Variants in PTPRS observed in about 807,000 individuals in gnomAD.
PTPRS encodes protein tyrosine phosphatase receptor type S.
Under a neutral mutation model 215.3 loss-of-function variants are expected in PTPRS, and 63 were observed. That is an observed-to-expected ratio of 0.29 (90% CI 0.24 to 0.36). The LOEUF is 0.36. Among genes scored for constraint, PTPRS ranks in the 10% least tolerant of loss-of-function variants. The pLI is 1.00. For synonymous variants in PTPRS, 1,404 were observed against 1,191.4 expected (o/e 1.18, Z -3.68); for missense variants, 2,258 against 2,825.8 (o/e 0.80, Z 4.56).
In PTPRS at chr19:5,245,995, T is replaced by G. The variant is rs778517480; in HGVS notation, c.769A>C (p.Met257Leu). Residue 257 changes from methionine (M) to leucine (L), a missense_variant, in exon 10 of 38, where the codon ATG (methionine) becomes CTG (leucine). By Grantham distance (15) the Met-to-Leu change is conservative. This residue lies in a region of PTPRS where 508 missense variants were observed against 799.4 expected (regional missense o/e 0.64). Coordinates refer to ENST00000262963, the MANE Select transcript of PTPRS (RefSeq NM_002850.4). Reference protein sequence around the residue: ...FSILPMSHEIMPGGNVNITCV... With the variant: ...FSILPMSHEILPGGNVNITCV... ...GTGATGTTCACGTTGCCCCCTGGCA[T>G]GATCTCGTGGCTCATGGGCAGGATG... 1.7e-5 allele frequency: 27 copies of G among 1,589,356 alleles called. No homozygotes were observed. In the South Asian group the frequency reaches 2.9e-4, roughly 17 times the overall value.
At chr19:5,260,899 G>C in intron 6 of PTPRS, 77 bp from the exon 7 acceptor site, 3 of 1,538,438 alleles carry the variant, frequency 2.0e-6, no homozygotes, top group Non-Finnish European at 1.8e-6. Flanking sequence ...AGGGAAGCTG[G>C]GCTGGGCCGT....
chr19:5,231,642 G>A lies in PTPRS; in HGVS notation c.1850-27C>T, dbSNP rs776983226. On this transcript the variant is annotated intron_variant, in intron 13 of 37. Coordinates refer to ENST00000262963, the MANE Select transcript of PTPRS (RefSeq NM_002850.4). The stretch of plus-strand genomic sequence containing the variant: ...TATTGGAGGGGGGGAGAACGTGGGG[G>A]GGTGGGGAAGGGAGGTGGGATGGGT... 2.5e-3 allele frequency: 250 copies of A among 100,656 alleles called. 3 individuals carry two copies. The East Asian group carries it at 0.063, about 25-fold the overall frequency. The allele number at this position is 100,656 out of a possible 1,614,324, so 6.2% of individuals were successfully genotyped here. A position where few individuals can be genotyped will look rare whatever the true frequency, so the allele number is the denominator to read the frequency against.
rs768972256 is a variant in PTPRS at position 5,211,958 on chromosome 19, C to T, written c.5055+7G>A. On this transcript the variant is annotated splice_region_variant and intron_variant, in intron 32 of 37. Transcript: ENST00000262963. ...CCCGCCCACAGCAGCCTCCACCCCG[C>T]TGGCACCTTGAACTCGAGTTCCATG... 1.9e-6 allele frequency: 3 copies of T among 1,588,742 alleles called. No individual in the cohort carries two copies. Among genetic ancestry groups the T allele is most frequent in the Non-Finnish European group, 2.6e-6 (3 of 1,168,452 alleles).
At chr19:5,323,986 T>G (rs543852595) in intron 1 of PTPRS, among the ~76,000 whole-genome samples, 7 of 151,926 alleles carry the variant, frequency 4.6e-5, no homozygotes. Flanking sequence ...TACCAGCACT[T>G]TGGGAGGCCA....
intron 28 of PTPRS, 118 bp downstream of exon 28, chr19:5,215,171 G>A: frequency 2.2e-6 from 3 of 1,354,546 alleles, no homozygotes; most frequent in Non-Finnish European, 3.1e-6. Context: ...GCCTCCAGTT[G>A]GAGCTGGACC....
At chr19:5,215,237 A>G (rs2041314078) in intron 28 of PTPRS, 52 bp downstream of exon 28, 1 of 1,605,340 alleles carries the variant, frequency 6.2e-7, no homozygotes, top group African/African-American at 1.3e-5. Flanking sequence ...GGGATCTAGC[A>G]CTTTCCATGC....
At chr19:5,316,967 G>A (rs1192786355) in intron 1 of PTPRS, among the ~76,000 whole-genome samples, 2 of 152,166 alleles carry the variant, frequency 1.3e-5, no homozygotes, top group Non-Finnish European at 2.9e-5. Flanking sequence ...TCCTAGCCAC[G>A]CTGAGACGTC....
chr19:5,286,446 T>G (rs1456790464), intron 1 of PTPRS: 2 of 403,202 alleles, frequency 5.0e-6, no homozygotes, highest in African/African-American at 4.0e-5. Context: ...AAATCATATG[T>G]TGAAACCTAG....
In PTPRS at chr19:5,206,630, G is replaced by A. The variant is rs556606029; in HGVS notation, c.*144C>T. 3.6e-4 allele frequency: 252 copies of A among 691,922 alleles called. 2 individuals carry two copies. In the African/African-American group the frequency reaches 3.7e-3, roughly 10 times the overall value. 42.9% of individuals were successfully genotyped at this position (691,922 alleles called of 1,614,324 possible). A position where few individuals can be genotyped will look rare whatever the true frequency, so the allele number is the denominator to read the frequency against. ...GTGGGGGGGCTCGAGGGGCTGCGTC[G>A]TCCTCGGAAATGGTGCAGAAACACA... On this transcript the variant is annotated 3_prime_UTR_variant, in exon 38 of 38. Transcript: ENST00000262963.
At position 5,266,866 on chromosome 19, in the gene PTPRS, C is replaced by G. The variant is rs188424569; in HGVS notation, c.380-1670G>C. Reference sequence around the variant, plus strand: ...CCTCGGGTCACCTGTTCTGTTCCCTCAGCCTGGAATCCCCGTTCCCACATC... The same window carrying G: ...CCTCGGGTCACCTGTTCTGTTCCCTGAGCCTGGAATCCCCGTTCCCACATC... On this transcript the variant is annotated intron_variant, in intron 4 of 37. Coordinates refer to ENST00000262963, the MANE Select transcript of PTPRS (RefSeq NM_002850.4). Among the ~76,000 whole-genome samples the G allele has an allele frequency of 3.4e-3, 512 of 152,250 alleles. 3 individuals carry two copies. Among genetic ancestry groups the G allele is most frequent in the African/African-American group, 0.011 (471 of 41,532 alleles).
At chr19:5,279,839 T>C (rs1026740010) in intron 2 of PTPRS, among the ~76,000 whole-genome samples, 1 of 152,050 alleles carries the variant, frequency 6.6e-6, no homozygotes, top group Non-Finnish European at 1.5e-5. Flanking sequence ...CCCGCCACCA[T>C]GCCTGGCTAA....
chr19:5,302,828 C>T (rs971395362), intron 1 of PTPRS, among the ~76,000 whole-genome samples: 10 of 148,484 alleles, frequency 6.7e-5, no homozygotes, highest in Admixed American at 1.4e-4. Flanking sequence ...GAGGTTGAGG[C>T]GGGCGGATCA....
chr19:5,246,884 T>TGA (rs35986633), intron 9 of PTPRS, among the ~76,000 whole-genome samples: 26,314 of 146,868 alleles, frequency 0.18, 2,967 homozygotes, highest in East Asian at 0.69. Context: ...CAAAATAGAT[T>TGA]GAGAGAGAGA....
chr19:5,300,777 A>G (rs998834121), intron 1 of PTPRS, among the ~76,000 whole-genome samples: 3 of 151,416 alleles, frequency 2.0e-5, no homozygotes, highest in Non-Finnish European at 4.4e-5. Context: ...CAAAAAAAAA[A>G]AAAAAAAAGA....
chr19:5,300,878 C>CAG (rs2049283331), intron 1 of PTPRS, among the ~76,000 whole-genome samples: 1 of 152,020 alleles, frequency 6.6e-6, no homozygotes, highest in African/African-American at 2.4e-5. Flanking sequence ...ATCAATGGCT[C>CAG]AGAGGCCTTG....
chr19:5,255,482 C>T (rs945407487), intron 9 of PTPRS, among the ~76,000 whole-genome samples: 8 of 150,522 alleles, frequency 5.3e-5, no homozygotes, highest in South Asian at 2.1e-4. Flanking sequence ...GAACCAAAGA[C>T]GAGTCGCTTT....
intron 35 of PTPRS, among the ~76,000 whole-genome samples, chr19:5,209,023 C>A (rs2040624818): frequency 1.3e-5 from 2 of 152,072 alleles, no homozygotes; most frequent in Non-Finnish European, 2.9e-5. Context: ...CCATCCAACA[C>A]CATCATCTTC....
At chr19:5,299,438 T>G (rs1296531863) in intron 1 of PTPRS, among the ~76,000 whole-genome samples, 1 of 152,124 alleles carries the variant, frequency 6.6e-6, no homozygotes, top group African/African-American at 2.4e-5. Flanking sequence ...CCTTCCATTC[T>G]CCCTCAAGGA....
At chr19:5,336,650 T>C (rs1322836793) in intron 1 of PTPRS, among the ~76,000 whole-genome samples, 2 of 151,988 alleles carry the variant, frequency 1.3e-5, no homozygotes, top group Non-Finnish European at 2.9e-5. Flanking sequence ...CGTGAATCCA[T>C]GGTGAATTTT....
Sources: gnomAD v4.1 joint callset for allele counts (sites outside exome capture counted in the v4.1 genomes callset) on GRCh38, gnomAD v4.1.1 for gene constraint, gnomAD v4.1.1 regional missense constraint, MANE v1.5 for transcripts, NCBI Gene and HGNC (gene_info 2026-07-23, HGNC 2026-07-21) for gene names.